Variants in ADAMTSL1 observed in about 807,000 individuals in gnomAD.
ADAMTSL1 encodes ADAMTS like 1, also known as ADAMTS-like protein 1.
Under a neutral mutation model 201.8 loss-of-function variants are expected in ADAMTSL1, and 126 were observed. The ratio of observed to expected loss-of-function variants is 0.62; its 90% confidence interval spans 0.54 to 0.72. The LOEUF is 0.72. Among genes scored for constraint, ADAMTSL1 ranks in the 30% least tolerant of loss-of-function variants. ADAMTSL1 has a pLI of 0.00. For missense variants in ADAMTSL1, 2,679 were observed against 2,277.8 expected (o/e 1.18, Z -3.59); for synonymous variants, 1,121 against 903.4 (o/e 1.24, Z -4.32).
At chr9:18,171,641 A>G (rs972034049) in intron 2 of ADAMTSL1, among the ~76,000 whole-genome samples, 1 of 152,048 alleles carries the variant, frequency 6.6e-6, no homozygotes, top group African/African-American at 2.4e-5. Context: ...CCTCTTCACT[A>G]TGATGATAGT....
At chr9:18,101,492 C>T (rs373076378) in intron 1 of ADAMTSL1, among the ~76,000 whole-genome samples, 72 of 146,982 alleles carry the variant, frequency 4.9e-4, no homozygotes, top group African/African-American at 1.6e-3. Flanking sequence ...GGTGAGACTC[C>T]GTCTCAAAAA....
chr9:18,304,281 T>A (rs561406839), intron 2 of ADAMTSL1, among the ~76,000 whole-genome samples: 1 of 152,076 alleles, frequency 6.6e-6, no homozygotes, highest in Non-Finnish European at 1.5e-5. Flanking sequence ...TTGGCCCACT[T>A]CTTTCACTCC....
chr9:18,700,378 A>G (rs566524187), intron 13 of ADAMTSL1, among the ~76,000 whole-genome samples: 7 of 152,142 alleles, frequency 4.6e-5, no homozygotes, highest in African/African-American at 9.7e-5. Context: ...TTCTCATCTC[A>G]TGTAAAAATG....
intron 1 of ADAMTSL1, among the ~76,000 whole-genome samples, chr9:17,997,280 A>T (rs1236987022): frequency 2.0e-5 from 3 of 152,094 alleles, no homozygotes; most frequent in Non-Finnish European, 4.4e-5. Flanking sequence ...CATTTAATTG[A>T]TATTGATATT....
intron 5 of ADAMTSL1, among the ~76,000 whole-genome samples, chr9:18,626,292 G>C (rs561302650): frequency 6.6e-6 from 1 of 152,158 alleles, no homozygotes; most frequent in Non-Finnish European, 1.5e-5. Flanking sequence ...ATGGGTATAG[G>C]CTGCCAGCCA....
At position 18,598,671 on chromosome 9, in the gene ADAMTSL1, G is replaced by A. The variant is rs150350728; in HGVS notation, c.475-23572G>A. Among the ~76,000 whole-genome samples the A allele has an allele frequency of 1.3e-3, 204 of 152,146 alleles. 1 individual carries two copies. Among genetic ancestry groups the A allele is most frequent in the African/African-American group, 4.8e-3 (200 of 41,498 alleles). ...CAATGCAACATTCCAAAAACATAAT[G>A]CTCATCATTTCCACTCCTGTAGAAA... On this transcript the variant is annotated intron_variant, in intron 4 of 28. Coordinates refer to ENST00000380548, the MANE Select transcript of ADAMTSL1 (RefSeq NM_001040272.6).
intron 15 of ADAMTSL1, among the ~76,000 whole-genome samples, chr9:18,745,591 G>A (rs1268250606): frequency 6.6e-6 from 1 of 152,116 alleles, no homozygotes; most frequent in Non-Finnish European, 1.5e-5. Flanking sequence ...CACTCGATTT[G>A]CTTGATACTA....
intron 1 of ADAMTSL1, among the ~76,000 whole-genome samples, chr9:17,916,607 A>C (rs2131281430): frequency 6.6e-6 from 1 of 152,282 alleles, no homozygotes; most frequent in African/African-American, 2.4e-5. Context: ...TACTTCAAAA[A>C]TCAGTTGTCC....
chr9:18,020,969 C>G (rs1433586680), intron 1 of ADAMTSL1, among the ~76,000 whole-genome samples: 2 of 152,136 alleles, frequency 1.3e-5, no homozygotes, highest in Non-Finnish European at 2.9e-5. Context: ...CCCTAGTCAT[C>G]TGGGCGTGAT....
At chr9:18,547,476 G>A (rs1820536024) in intron 3 of ADAMTSL1, among the ~76,000 whole-genome samples, 1 of 151,862 alleles carries the variant, frequency 6.6e-6, no homozygotes, top group Admixed American at 6.6e-5. Flanking sequence ...TTGGCTCCAA[G>A]ACTGAAATAA....
chr9:17,948,684 A>G (rs567041092), intron 1 of ADAMTSL1, among the ~76,000 whole-genome samples: 5 of 152,324 alleles, frequency 3.3e-5, no homozygotes, highest in Admixed American at 1.3e-4. Flanking sequence ...CCATGGCAGA[A>G]ATAAGTACAA....
chr9:18,630,354 C>T (rs1322451782), intron 5 of ADAMTSL1, among the ~76,000 whole-genome samples: 4 of 152,128 alleles, frequency 2.6e-5, no homozygotes, highest in Non-Finnish European at 5.9e-5. Context: ...GTAGTTCTTT[C>T]CCCAGGCCGG....
intron 2 of ADAMTSL1, among the ~76,000 whole-genome samples, chr9:18,444,564 T>C (rs541474522): frequency 2.4e-4 from 37 of 152,266 alleles, no homozygotes; most frequent in African/African-American, 6.7e-4. Flanking sequence ...GGCTTGAAGA[T>C]TGGCCTCAAG....
intron 23 of ADAMTSL1, among the ~76,000 whole-genome samples, chr9:18,859,815 T>A (rs1380806596): frequency 6.6e-6 from 1 of 152,202 alleles, no homozygotes; most frequent in Non-Finnish European, 1.5e-5. Flanking sequence ...ATTCTTTTTT[T>A]TGCTTCATAA....
At chr9:18,792,397 T>C (rs186230370) in intron 19 of ADAMTSL1, among the ~76,000 whole-genome samples, 8 of 152,310 alleles carry the variant, frequency 5.3e-5, no homozygotes, top group Non-Finnish European at 7.4e-5. Context: ...ACTTAAATCA[T>C]AGTAGGACCA....
intron 1 of ADAMTSL1, among the ~76,000 whole-genome samples, chr9:17,937,942 G>A (rs1031327885): frequency 2.6e-5 from 4 of 152,122 alleles, no homozygotes; most frequent in Non-Finnish European, 4.4e-5. Context: ...AGTATGAGGA[G>A]GGGGGAAGGT....
chr9:18,655,966 T>G (rs1368505495), intron 7 of ADAMTSL1, among the ~76,000 whole-genome samples: 1 of 152,112 alleles, frequency 6.6e-6, no homozygotes, highest in Non-Finnish European at 1.5e-5. Flanking sequence ...GACACTGCAT[T>G]GCTTCAGCTG....
intron 21 of ADAMTSL1, 52 bp from the exon 22 acceptor site, chr9:18,826,232 G>T: frequency 6.4e-7 from 1 of 1,553,656 alleles, no homozygotes; most frequent in Non-Finnish European, 8.7e-7. Context: ...GGGCTCACCT[G>T]AATGTGTTTG....
intron 22 of ADAMTSL1, among the ~76,000 whole-genome samples, chr9:18,827,985 A>C (rs1326123059): frequency 6.6e-6 from 1 of 152,200 alleles, no homozygotes; most frequent in East Asian, 1.9e-4. Flanking sequence ...ATGTAGCTTA[A>C]TTTTTAAAGG....
Sources: allele counts gnomAD v4.1 joint callset (sites outside exome capture counted in the v4.1 genomes callset), GRCh38; gene constraint gnomAD v4.1.1; transcripts MANE v1.5; gene names NCBI Gene and HGNC (gene_info 2026-07-23, HGNC 2026-07-21).